ZNF384: variants seen among roughly 807,000 people sequenced by gnomAD.
ZNF384 encodes the protein CAG repeat protein 1.
ZNF384 carries 20 observed loss-of-function variants against 65.0 expected under a neutral mutation model. The ratio of observed to expected loss-of-function variants is 0.31; its 90% CI spans 0.22 to 0.45. The LOEUF (loss-of-function observed/expected upper bound fraction) is 0.45, where lower values mean the gene tolerates loss of function less well. Ranked by LOEUF, ZNF384 falls within the 20% of genes least tolerant of loss-of-function variation. ZNF384 has a pLI of 1.00. For missense variants in ZNF384, 549 were observed against 769.4 expected, an observed-to-expected ratio of 0.71 and a Z score of 3.39; for synonymous variants, 310 against 303.9, an observed-to-expected ratio of 1.02 and a Z score of -0.21.
rs756568738 is a variant in ZNF384 at position 6,678,233 on chromosome 12, G to A, written c.580C>T (p.Arg194Trp). 4 of 1,614,106 alleles carry A rather than the reference G, an allele frequency of 2.5e-6. No individual in the cohort carries two copies. The highest frequency in any genetic ancestry group is 2.5e-6 in the Non-Finnish European group (3 of 1,180,022). ...GATTCCAGCATCCGCTTCTTCTTCCGGCCCCGGGGTGGCTTAGGAGCCACA... is the reference window on the plus strand; with the variant it reads ...GATTCCAGCATCCGCTTCTTCTTCCAGCCCCGGGGTGGCTTAGGAGCCACA... ...GSVAPKPPRG[R>W]KKKRMLESGL... is the part of the protein sequence containing the mutation. Residue 194 changes from arginine (R) to tryptophan (W), a missense_variant, in exon 6 of 12, where the codon CGG becomes TGG. Arg to Trp is a moderately radical substitution (Grantham distance 101). This residue lies in a region of ZNF384 where 277 missense variants were observed against 337.2 expected (regional missense o/e 0.82). Transcript: ENST00000683879. The surrounding 1 kb of genome is among the most constrained non-coding windows in gnomAD (Gnocchi z 4.9).
At chr12:6,681,516 A>C (rs974803267) in intron 2 of ZNF384, among the ~76,000 whole-genome samples, 3 of 152,186 alleles carry the variant, frequency 2.0e-5, no homozygotes, top group African/African-American at 7.2e-5. Context: ...ACTCTGAGCA[A>C]AGCACAACCA....
At chr12:6,682,319 CCAAAA>C (rs55997836) in intron 2 of ZNF384, among the ~76,000 whole-genome samples, 53,247 of 140,204 alleles carry the variant, frequency 0.38, 10,575 homozygotes, top group East Asian at 0.53. Flanking sequence ...GACCCCAACT[CCAAAA>C]CAAAACAAAA....
In ZNF384 at chr12:6,669,143, T is replaced by C. The variant is rs1228668413; in HGVS notation, c.1313A>G (p.Asn438Ser). Residue 438 changes from asparagine (N) to serine (S), a missense_variant, in exon 11 of 12, where the codon AAC becomes AGC. Asn to Ser is a conservative substitution (Grantham distance 46). Transcript: ENST00000683879. ...HNKDKPFKCH[N>S]CHRAYTDAAS... ...TGCATCCGTGTACGCCCGATGACAGTTGTGGCACTTGAAGGGTTTATCTTT... is the reference window on the plus strand; with the variant it reads ...TGCATCCGTGTACGCCCGATGACAGCTGTGGCACTTGAAGGGTTTATCTTT... 18 of 1,613,616 alleles carry C rather than the reference T, an allele frequency of 1.1e-5. No homozygotes were observed. Among genetic ancestry groups the C allele is most frequent in the East Asian group, 2.2e-5 (1 of 44,866 alleles).
At chr12:6,685,077 C>T (rs757036322) in intron 2 of ZNF384, among the ~76,000 whole-genome samples, 1 of 152,086 alleles carries the variant, frequency 6.6e-6, no homozygotes, top group Non-Finnish European at 1.5e-5. Flanking sequence ...AAAGAAAGTA[C>T]TTTGGGAGGC....
rs768992769 is a variant in ZNF384, at chr12:6,667,915, C to A, written c.1626G>T (p.Gln542His). 1.9e-6 allele frequency: 3 copies of A among 1,579,460 alleles called. No individual in the cohort carries two copies. Among genetic ancestry groups the A allele is most frequent in the Non-Finnish European group, 2.6e-6 (3 of 1,161,996 alleles). Residue 542 changes from glutamine (Q) to histidine (H), a missense_variant, in exon 12 of 12, where the codon CAG becomes CAT. Coordinates refer to ENST00000683879, the MANE Select transcript of ZNF384 (RefSeq NM_001385745.1). ...GTGGTGGTGGCTGTTGCTGCTGCTG[C>A]TGCTGCTGCTGCTGCTGCTGCTGCT... ...QQQQQQQQQQ[Q>H]QQQQQPPPHF... is the part of the protein sequence containing the mutation.
Position 6,678,636 on chromosome 12 carries a change from C to A in ZNF384, c.352+27G>T. ...ATAATGGTCTCCTAACCCTTGTCCC[C>A]ACCCCCCTGGTAACAGTGAGATTTA... is the stretch of plus-strand genomic sequence containing the variant. On this transcript the variant is annotated intron_variant, in intron 5 of 11. Transcript: ENST00000683879. This position sits in a 1 kb window ranked among gnomAD's most constrained non-coding sequence, Gnocchi z 4.9. The A allele has an allele frequency of 6.2e-7, 1 of 1,612,632 alleles. No individual in the cohort carries two copies.
Position 6,667,600 on chromosome 12 carries a change from A to C in ZNF384, c.*114T>G. ...GAAGGAAAGCCGTGACAGAGGCCCA[A>C]GGAGATGGAGCCAAGGCCTGTCAAG... On this transcript the variant is annotated 3_prime_UTR_variant, in exon 12 of 12. Transcript: ENST00000683879. 7.2e-7 allele frequency: 1 copy of C among 1,384,630 alleles called. No homozygotes were observed. The highest frequency in any genetic ancestry group is 1.0e-6 in the Non-Finnish European group (1 of 980,418). The allele number at this position is 1,384,630 out of a possible 1,614,324, so 85.8% of individuals were successfully genotyped here.
Position 6,672,554 on chromosome 12 carries a change from A to T in ZNF384, c.1005-22T>A, listed in dbSNP as rs754086163. 1 of 1,611,112 alleles carries T rather than the reference A, an allele frequency of 6.2e-7. No homozygotes were observed. Among genetic ancestry groups the T allele is most frequent in the Non-Finnish European group, 8.5e-7 (1 of 1,178,220 alleles). ...GATCCTGCCGGAGAGGAGAGGAGGG[A>T]AGGGGGGAGGAGGAAGCAGTTCGAC... On this transcript the variant is annotated intron_variant, in intron 8 of 11. Transcript: ENST00000683879. This position sits in a 1 kb window ranked among gnomAD's most constrained non-coding sequence, Gnocchi z 4.4.
intron 2 of ZNF384, among the ~76,000 whole-genome samples, chr12:6,681,679 G>A (rs866185353): frequency 1.3e-5 from 2 of 152,142 alleles, no homozygotes; most frequent in Admixed American, 6.5e-5. Flanking sequence ...CAACAAAGGC[G>A]CCGAAGCTGA....
chr12:6,673,293 G>A lies in ZNF384; in HGVS notation c.927C>T (p.His309=), dbSNP rs747928849. Residue 309 remains histidine, a synonymous_variant, in exon 8 of 12, where the codon CAC becomes CAT. Transcript: ENST00000683879. The surrounding 1 kb of genome is among the most constrained non-coding windows in gnomAD (Gnocchi z 4.7). Reference sequence around the variant, plus strand: ...TACAACTGTAGGGCTTAGCCCCTGAGTGTATACGGATGTGCTGGGCCAGGT... The same window carrying A: ...TACAACTGTAGGGCTTAGCCCCTGAATGTATACGGATGTGCTGGGCCAGGT... ...SSYLAQHIRI[H]SGAKPYSCNF... 5 of 1,614,168 alleles carry A rather than the reference G, an allele frequency of 3.1e-6. No individual in the cohort carries two copies. The South Asian group carries it at 5.5e-5, about 18-fold the overall frequency.
rs1357101384 is a variant in ZNF384 at position 6,672,546 on chromosome 12, G to A, written c.1005-14C>T. 6 of 1,613,040 alleles carry A rather than the reference G, an allele frequency of 3.7e-6. No individual in the cohort carries two copies. The highest frequency in any genetic ancestry group is 2.7e-5 in the African/African-American group (2 of 74,996). On this transcript the variant is annotated splice_polypyrimidine_tract_variant and intron_variant, in intron 8 of 11. Coordinates refer to ENST00000683879, the MANE Select transcript of ZNF384 (RefSeq NM_001385745.1). This position sits in a 1 kb window ranked among gnomAD's most constrained non-coding sequence, Gnocchi z 4.4. ...TTGGAGTGGATCCTGCCGGAGAGGA[G>A]AGGAGGGAAGGGGGGAGGAGGAAGC...
intron 2 of ZNF384, among the ~76,000 whole-genome samples, chr12:6,682,880 T>C (rs1046193542): frequency 6.6e-6 from 1 of 152,252 alleles, no homozygotes; most frequent in Non-Finnish European, 1.5e-5. Context: ...ATATAGATTT[T>C]GCAGACAATG....
chr12:6,670,645 T>C (rs2136484539), intron 10 of ZNF384, 115 bp downstream of exon 10: 7 of 966,868 alleles, frequency 7.2e-6, no homozygotes, highest in Non-Finnish European at 1.1e-5. Flanking sequence ...ACTCTTTGGG[T>C]CCCTCAATAA....
chr12:6,675,332 T>C lies in ZNF384; in HGVS notation c.779+1835A>G, dbSNP rs115549842. Among the ~76,000 whole-genome samples, 1,144 of 152,362 alleles carry C rather than the reference T, an allele frequency of 7.5e-3. 15 individuals are homozygous for C. Among genetic ancestry groups the C allele is most frequent in the African/African-American group, 0.024 (997 of 41,582 alleles). Reference sequence around the variant, plus strand: ...CTCACAACCTGGCAAGTCTTATCCATGTTTTTACAGAAAGGAACACAAAGA... The same window carrying C: ...CTCACAACCTGGCAAGTCTTATCCACGTTTTTACAGAAAGGAACACAAAGA... On this transcript the variant is annotated intron_variant, in intron 7 of 11. Transcript: ENST00000683879.
chr12:6,678,835 A>C lies in ZNF384; in HGVS notation c.304+111T>G. Reference sequence around the variant, plus strand: ...ACAGTAGGCACTTAATAAAAATTTGATTGAATAATCAAACACATATCCCAC... The same window carrying C: ...ACAGTAGGCACTTAATAAAAATTTGCTTGAATAATCAAACACATATCCCAC... On this transcript the variant is annotated intron_variant, in intron 4 of 11. Coordinates refer to ENST00000683879, the MANE Select transcript of ZNF384 (RefSeq NM_001385745.1). This position sits in a 1 kb window ranked among gnomAD's most constrained non-coding sequence, Gnocchi z 4.9. The C allele has an allele frequency of 6.8e-7, 1 of 1,466,736 alleles. No homozygotes were observed. The highest frequency in any genetic ancestry group is 9.5e-7 in the Non-Finnish European group (1 of 1,055,472). 90.9% of individuals were successfully genotyped at this position (1,466,736 alleles called of 1,614,324 possible).
At chr12:6,669,928 GCACACGCGCGCGCGCACACA>G (rs1950859681) in intron 10 of ZNF384, among the ~76,000 whole-genome samples, 1 of 150,122 alleles carries the variant, frequency 6.7e-6, no homozygotes, top group Non-Finnish European at 1.5e-5. Context: ...TCTCAAACAC[GCACACGCGCGCGCGCACACA>G]CACACACACA....
chr12:6,688,122 T>G (rs1958625863), intron 2 of ZNF384, 45 bp downstream of exon 2: 1 of 152,570 alleles, frequency 6.6e-6, no homozygotes, highest in Non-Finnish European at 1.5e-5. Flanking sequence ...TGTGACCCCT[T>G]CTCCCCCAAA....
chr12:6,678,062 G>C lies in ZNF384; in HGVS notation c.686+65C>G. 2 of 1,462,892 alleles carry C rather than the reference G, an allele frequency of 1.4e-6. No homozygotes were observed. The highest frequency in any genetic ancestry group is 1.9e-6 in the Non-Finnish European group (2 of 1,063,788). 90.6% of individuals were successfully genotyped at this position (1,462,892 alleles called of 1,614,324 possible). A position where few individuals can be genotyped will look rare whatever the true frequency, so the allele number is the denominator to read the frequency against. On this transcript the variant is annotated intron_variant, in intron 6 of 11. Transcript: ENST00000683879. The surrounding 1 kb of genome is among the most constrained non-coding windows in gnomAD (Gnocchi z 4.9). ...GCCTGACCGGGGCAGAACACAATGA[G>C]GGTACAGGGAGAATCACCAAGCCAG... is the stretch of plus-strand genomic sequence containing the variant.
intron 11 of ZNF384, 121 bp downstream of exon 11, chr12:6,668,910 G>T: frequency 9.5e-7 from 1 of 1,057,440 alleles, no homozygotes; most frequent in Non-Finnish European, 1.3e-6. Context: ...TACCTGTTCT[G>T]CTAAGTTGGA....
Sources: gnomAD v4.1 joint callset for allele counts (sites outside exome capture counted in the v4.1 genomes callset) on GRCh38, gnomAD v4.1.1 for gene constraint, gnomAD v4.1.1 regional missense constraint, Gnocchi (gnomAD v3.1) non-coding constraint, MANE v1.5 for transcripts, NCBI Gene and HGNC (gene_info 2026-07-23, HGNC 2026-07-21) for gene names.